BBOF1: variants seen among roughly 807,000 people sequenced by gnomAD.
BBOF1 encodes the protein basal body-orientation factor 1.
A neutral mutation model predicts 68.0 loss-of-function variants in BBOF1; 62 were observed. That is an observed-to-expected ratio of 0.91 (90% CI 0.74 to 1.13). The LOEUF is 1.13. BBOF1 is among the 50% of genes most tolerant of loss of function. BBOF1 has a pLI of 0.00. For missense variants in BBOF1, 534 were observed against 600.1 expected, an observed-to-expected ratio of 0.89 and a Z score of 1.15; for synonymous variants, 208 against 198.8, an observed-to-expected ratio of 1.05 and a Z score of -0.39.
chr14:74,060,281 T>G (rs1278255831), intron 11 of BBOF1: 1 of 250,950 alleles, frequency 4.0e-6, no homozygotes, highest in Non-Finnish European at 7.9e-6. Flanking sequence ...ATTACAGGCG[T>G]GAGCCACCGC....
At chr14:74,070,973 C>A (rs1183831892), downstream of BBOF1, 2 of 573,136 alleles carry the variant, frequency 3.5e-6, no homozygotes, top group Non-Finnish European at 6.2e-6. Context: ...ATCCATATTT[C>A]TAGTGTCCCA....
At chr14:74,025,907 G>GC (rs944391348) in intron 2 of BBOF1, among the ~76,000 whole-genome samples, 1 of 147,158 alleles carries the variant, frequency 6.8e-6, no homozygotes, top group South Asian at 2.2e-4. Context: ...TGGCGGGGTG[G>GC]GGGGGGTGCA....
At chr14:74,048,934 A>G (rs1196384631) in intron 7 of BBOF1, among the ~76,000 whole-genome samples, 1 of 152,192 alleles carries the variant, frequency 6.6e-6, no homozygotes, top group Non-Finnish European at 1.5e-5. Flanking sequence ...ATGCAGTGGC[A>G]TGATCTTGGC....
chr14:74,020,612 TC>T (rs2059258843), intron 1 of BBOF1, among the ~76,000 whole-genome samples: 1 of 152,104 alleles, frequency 6.6e-6, no homozygotes, highest in Non-Finnish European at 1.5e-5. Flanking sequence ...CAACCAATTC[TC>T]CTGCCTCAGC....
downstream of BBOF1, chr14:74,068,763 A>G (rs2060507871): frequency 7.1e-7 from 1 of 1,399,450 alleles, no homozygotes; most frequent in Non-Finnish European, 1.0e-6. Context: ...AAACACTGAC[A>G]TTGGAGTGGG....
chr14:74,037,144 T>G (rs568537679), intron 4 of BBOF1, among the ~76,000 whole-genome samples: 2 of 150,452 alleles, frequency 1.3e-5, no homozygotes, highest in African/African-American at 4.9e-5. Flanking sequence ...GGCTAATTTT[T>G]TGTATTTTTT....
intron 1 of BBOF1, 29 bp from the exon 2 acceptor site, chr14:74,022,885 CAT>C: frequency 8.1e-7 from 1 of 1,241,294 alleles, no homozygotes. Context: ...TATAAATAGT[CAT>C]ATACTGTCAA....
intron 3 of BBOF1, 74 bp from the exon 4 acceptor site, chr14:74,033,954 G>A: frequency 8.4e-7 from 1 of 1,191,342 alleles, no homozygotes. Flanking sequence ...AATGGCGTAA[G>A]GCTTCAAATG....
At chr14:74,074,846 T>C in intron 9 of BBOF1, 1 of 1,168,568 alleles carries the variant, frequency 8.6e-7, no homozygotes, top group Non-Finnish European at 1.3e-6. Context: ...AGGAAAAAAC[T>C]AGAAAGTTTC....
chr14:74,078,360 C>CTT, intron 10 of BBOF1: 19 of 340,418 alleles, frequency 5.6e-5, no homozygotes, highest in Admixed American at 1.1e-4. Context: ...GAGGTATATA[C>CTT]TTTTTTTTTT....
intron 11 of BBOF1, chr14:74,059,586 TA>T (rs1041242648): frequency 3.5e-4 from 92 of 266,190 alleles, no homozygotes; most frequent in African/African-American, 1.9e-3. Context: ...TCCCAGCTAC[TA>T]GGGGGGCTGA....
chr14:74,029,579 G>A (rs2140978429), intron 3 of BBOF1, among the ~76,000 whole-genome samples: 1 of 152,120 alleles, frequency 6.6e-6, no homozygotes, highest in East Asian at 1.9e-4. Context: ...CTACTCGGGA[G>A]GCTGAGACAG....
intron 9 of BBOF1, among the ~76,000 whole-genome samples, chr14:74,076,116 T>A (rs1164620804): frequency 2.0e-5 from 3 of 152,234 alleles, no homozygotes; most frequent in African/African-American, 7.2e-5. Flanking sequence ...TTATGTTGAT[T>A]GTGATGCTAT....
At chr14:74,037,615 A>T (rs1333718315) in intron 4 of BBOF1, among the ~76,000 whole-genome samples, 2 of 151,328 alleles carry the variant, frequency 1.3e-5, no homozygotes, top group Non-Finnish European at 2.9e-5. Flanking sequence ...GCTCAGCTCA[A>T]ATTCGTGTTC....
At chr14:74,040,923 T>C (rs903293634) in intron 5 of BBOF1, 9 of 413,228 alleles carry the variant, frequency 2.2e-5, no homozygotes, top group Admixed American at 4.4e-5. Context: ...ACTAAAGCTA[T>C]GTGTACTCCC....
At chr14:74,039,538 C>T (rs570243722) in intron 4 of BBOF1, among the ~76,000 whole-genome samples, 23 of 152,216 alleles carry the variant, frequency 1.5e-4, no homozygotes, top group African/African-American at 5.3e-4. Flanking sequence ...AAGCAATTCT[C>T]CTGCCTCAGC....
At chr14:74,023,429 A>G (rs2059347861) in intron 2 of BBOF1, among the ~76,000 whole-genome samples, 1 of 152,202 alleles carries the variant, frequency 6.6e-6, no homozygotes, top group African/African-American at 2.4e-5. Context: ...GGATAAGAGC[A>G]TGGTATGTGA....
intron 7 of BBOF1, 104 bp from the exon 8 acceptor site, chr14:74,049,598 G>A (rs2060021345): frequency 5.4e-6 from 5 of 931,132 alleles, no homozygotes; most frequent in Non-Finnish European, 7.8e-6. Flanking sequence ...GGAGATGGAG[G>A]TTGCAGTGAG....
intron 3 of BBOF1, among the ~76,000 whole-genome samples, chr14:74,029,975 C>T (rs1353170127): frequency 6.6e-6 from 1 of 152,066 alleles, no homozygotes; most frequent in East Asian, 1.9e-4. Flanking sequence ...TACCTAGTTG[C>T]GTAAACCCCA....
Sources: gnomAD v4.1 joint callset for allele counts (sites outside exome capture counted in the v4.1 genomes callset) on GRCh38, gnomAD v4.1.1 for gene constraint, MANE v1.5 for transcripts, NCBI Gene and HGNC (gene_info 2026-07-23, HGNC 2026-07-21) for gene names.